CNTN4: variants seen among roughly 807,000 people sequenced by gnomAD.
CNTN4 encodes contactin 4.
CNTN4 carries 77 observed loss-of-function variants against 122.5 expected under a neutral mutation model. The observed-to-expected ratio is 0.63, with a 90% CI of 0.52 to 0.76. The LOEUF (loss-of-function observed/expected upper bound fraction) is 0.76. Ranked by LOEUF, CNTN4 falls within the 30% of genes least tolerant of loss-of-function variation. CNTN4 has a pLI of 0.00. For synonymous variants in CNTN4, 512 were observed against 447.0 expected (o/e 1.15, Z -1.83); for missense variants, 1,256 against 1,259.1 (o/e 1.00, Z 0.04).
chr3:2,428,571 G>A (rs1427809431), intron 3 of CNTN4, among the ~76,000 whole-genome samples: 4 of 152,106 alleles, frequency 2.6e-5, no homozygotes, highest in Non-Finnish European at 5.9e-5. Context: ...TCTTCTCGAG[G>A]AGTATCTTTG....
intron 6 of CNTN4, among the ~76,000 whole-genome samples, chr3:2,772,523 G>A (rs1019248332): frequency 6.6e-6 from 1 of 152,070 alleles, no homozygotes; most frequent in Non-Finnish European, 1.5e-5. Context: ...TAGGGTTGGA[G>A]ATTAAGAGGT....
chr3:2,227,896 G>C (rs981534688), intron 2 of CNTN4, among the ~76,000 whole-genome samples: 4 of 152,196 alleles, frequency 2.6e-5, no homozygotes, highest in Middle Eastern at 3.4e-3. Context: ...TAAGCAATAT[G>C]TTTAACAAAC....
chr3:2,782,551 C>G (rs1418466053), intron 6 of CNTN4, among the ~76,000 whole-genome samples: 1 of 149,326 alleles, frequency 6.7e-6, no homozygotes, highest in Non-Finnish European at 1.5e-5. Context: ...TCTAAATGGT[C>G]CCACCTTCCT....
At chr3:2,595,831 G>T (rs750308558) in intron 4 of CNTN4, among the ~76,000 whole-genome samples, 7 of 152,080 alleles carry the variant, frequency 4.6e-5, no homozygotes, top group Non-Finnish European at 1.0e-4. Flanking sequence ...CCCCAAACAC[G>T]CAGGTATAAA....
At chr3:2,659,295 C>G (rs1026349330) in intron 4 of CNTN4, among the ~76,000 whole-genome samples, 1 of 151,746 alleles carries the variant, frequency 6.6e-6, no homozygotes, top group Non-Finnish European at 1.5e-5. Flanking sequence ...AACCCCGTCT[C>G]TACTAAAAAT....
At chr3:2,623,947 T>C (rs1214208438) in intron 4 of CNTN4, among the ~76,000 whole-genome samples, 1 of 152,172 alleles carries the variant, frequency 6.6e-6, no homozygotes, top group Admixed American at 6.5e-5. Flanking sequence ...TTACTGAAAT[T>C]TAGCTGTTTC....
At chr3:2,278,676 C>T (rs1220404856) in intron 2 of CNTN4, among the ~76,000 whole-genome samples, 1 of 152,142 alleles carries the variant, frequency 6.6e-6, no homozygotes, top group African/African-American at 2.4e-5. Flanking sequence ...GTTAAATAGA[C>T]AAGATGCTTT....
Position 2,804,737 on chromosome 3 carries a change from C to CTTTAGTTTTTTTTTTTTTTTT in CNTN4, c.359-14746_359-14745insAGTTTTTTTTTTTTTTTTTTT, listed in dbSNP as rs1553643947. ...CAACCACACCCACATATTTTGAGCA[C>CTTTAGTTTTTTTTTTTTTTTT]TTTTTTTTTGAGACAAGGTCTCTCT... On this transcript the variant is annotated intron_variant, in intron 6 of 24. Coordinates refer to ENST00000418658, the MANE Select transcript of CNTN4 (RefSeq NM_175607.3). Among the ~76,000 whole-genome samples, 82 of 144,910 alleles carry CTTTAGTTTTTTTTTTTTTTTT rather than the reference C, an allele frequency of 5.7e-4. 1 individual carries two copies. Among genetic ancestry groups the CTTTAGTTTTTTTTTTTTTTTT allele is most frequent in the African/African-American group, 1.0e-3 (40 of 39,230 alleles).
At chr3:2,328,374 C>A in intron 2 of CNTN4, among the ~76,000 whole-genome samples, 1 of 151,506 alleles carries the variant, frequency 6.6e-6, no homozygotes, top group Non-Finnish European at 1.5e-5. Flanking sequence ...CCACCGCCCT[C>A]CAGCCTGGGC....
intron 2 of CNTN4, among the ~76,000 whole-genome samples, chr3:2,170,096 A>G (rs13098682): frequency 5.3e-5 from 8 of 150,546 alleles, no homozygotes; most frequent in Non-Finnish European, 7.4e-5. Flanking sequence ...CCGAGGCGGG[A>G]GGATCACAAG....
At chr3:2,879,648 G>A (rs745330896) in intron 8 of CNTN4, among the ~76,000 whole-genome samples, 2 of 152,078 alleles carry the variant, frequency 1.3e-5, no homozygotes, top group Non-Finnish European at 2.9e-5. Flanking sequence ...AAAAGCAAAT[G>A]TACAGAGACA....
intron 3 of CNTN4, among the ~76,000 whole-genome samples, chr3:2,500,109 A>G (rs1039661091): frequency 2.4e-4 from 37 of 152,116 alleles, no homozygotes; most frequent in Non-Finnish European, 3.8e-4. Context: ...ATCTTGCAAT[A>G]TTGCTGAACT....
At chr3:3,056,023 A>G (rs1472904422) in intron 24 of CNTN4, 97 bp from the exon 25 acceptor site, 4 of 782,568 alleles carry the variant, frequency 5.1e-6, no homozygotes, top group Non-Finnish European at 8.8e-6. Flanking sequence ...TTCCAGTAGA[A>G]TCCATGCAGT....
chr3:2,481,741 C>G (rs375611188), intron 3 of CNTN4, among the ~76,000 whole-genome samples: 46 of 152,120 alleles, frequency 3.0e-4, no homozygotes, highest in African/African-American at 1.1e-3. Context: ...GGGGGTGGTT[C>G]TCCTATGCTG....
At chr3:2,277,703 C>T (rs202053482) in intron 2 of CNTN4, among the ~76,000 whole-genome samples, 2 of 152,060 alleles carry the variant, frequency 1.3e-5, no homozygotes, top group East Asian at 3.9e-4. Context: ...CTTTTTTGCT[C>T]TTCTCTTCCT....
At chr3:2,590,952 A>G (rs891343855) in intron 4 of CNTN4, among the ~76,000 whole-genome samples, 12 of 152,314 alleles carry the variant, frequency 7.9e-5, no homozygotes, top group South Asian at 4.1e-4. Flanking sequence ...ACATTTTGTC[A>G]TAGGCATATA....
At chr3:2,607,352 G>C (rs571638844) in intron 4 of CNTN4, among the ~76,000 whole-genome samples, 1 of 152,002 alleles carries the variant, frequency 6.6e-6, no homozygotes, top group Non-Finnish European at 1.5e-5. Flanking sequence ...GTTCACCAAG[G>C]CATCATTTGT....
intron 2 of CNTN4, among the ~76,000 whole-genome samples, chr3:2,312,893 A>G (rs767326960): frequency 5.3e-5 from 8 of 152,006 alleles, no homozygotes; most frequent in Non-Finnish European, 8.8e-5. Flanking sequence ...AGGAAATAAC[A>G]TTGAAAACTG....
chr3:2,688,416 A>G (rs1330147559), intron 4 of CNTN4, among the ~76,000 whole-genome samples: 2 of 152,208 alleles, frequency 1.3e-5, no homozygotes, highest in Non-Finnish European at 2.9e-5. Context: ...TACCGATTAC[A>G]CAAGCTGTAT....
Sources: gnomAD v4.1 joint callset for allele counts (sites outside exome capture counted in the v4.1 genomes callset) on GRCh38, gnomAD v4.1.1 for gene constraint, MANE v1.5 for transcripts, NCBI Gene and HGNC (gene_info 2026-07-23, HGNC 2026-07-21) for gene names.